The following UGGT1 variants were observed in gnomAD, a reference collection of about 807,000 sequenced individuals.
The protein encoded by UGGT1 is UDP-glucose glycoprotein glucosyltransferase 1, also known as UDP-glucose:glycoprotein glucosyltransferase 1.
UGGT1 carries 107 observed loss-of-function variants against 203.9 expected under a neutral mutation model. The observed-to-expected ratio is 0.52, with a 90% CI of 0.45 to 0.62. The LOEUF is 0.62. Ranked by LOEUF, UGGT1 falls within the 20% of genes least tolerant of loss-of-function variation. UGGT1 has a pLI of 0.00. For synonymous variants in UGGT1, 628 were observed against 653.5 expected (o/e 0.96, Z 0.59); for missense variants, 1,673 against 1,867.2 (o/e 0.90, Z 1.92).
intron 2 of UGGT1, among the ~76,000 whole-genome samples, chr2:128,098,750 A>C (rs994798176): frequency 1.8e-4 from 27 of 148,334 alleles, no homozygotes; most frequent in African/African-American, 6.4e-4. Context: ...CTCCGTCTCA[A>C]AAAAAAAAAA....
At position 128,184,775 on chromosome 2, in the gene UGGT1, G is replaced by C. The variant is rs371273144; in HGVS notation, c.4359+986G>C. Reference sequence around the variant, plus strand: ...GCACTCACTGCAACCTCCACCTCCCGGGTTCAAGTGATCCTCCTGCCTCAG... The same window carrying C: ...GCACTCACTGCAACCTCCACCTCCCCGGTTCAAGTGATCCTCCTGCCTCAG... On this transcript the variant is annotated intron_variant, in intron 38 of 40. Transcript: ENST00000259253. Among the ~76,000 whole-genome samples, 3 of 152,164 alleles carry C rather than the reference G, an allele frequency of 2.0e-5. No homozygotes were observed. In the South Asian group the frequency reaches 6.2e-4, roughly 32 times the overall value.
At chr2:128,146,830 A>G (rs752737641) in intron 18 of UGGT1, among the ~76,000 whole-genome samples, 15 of 152,184 alleles carry the variant, frequency 9.9e-5, no homozygotes, top group Non-Finnish European at 1.9e-4. Flanking sequence ...CTTGTTCTGG[A>G]CGTTGTATAC....
At chr2:128,109,146 C>T (rs969250886) in intron 4 of UGGT1, among the ~76,000 whole-genome samples, 3 of 152,078 alleles carry the variant, frequency 2.0e-5, no homozygotes, top group Non-Finnish European at 4.4e-5. Context: ...CCTGCCTCTG[C>T]CCCGCAAATT....
At chr2:128,174,914 C>T in intron 31 of UGGT1, 56 bp downstream of exon 31, 1 of 1,477,034 alleles carries the variant, frequency 6.8e-7, no homozygotes, top group Non-Finnish European at 9.3e-7. Context: ...TGAGCATTAG[C>T]TCTAATTGAA....
intron 38 of UGGT1, among the ~76,000 whole-genome samples, 200 bp downstream of exon 38, chr2:128,183,989 C>T (rs981064069): frequency 4.0e-5 from 6 of 150,160 alleles, no homozygotes; most frequent in Non-Finnish European, 7.4e-5. Context: ...GACATATCAG[C>T]GTGAAAAATG....
rs866324808 is a variant in UGGT1 at position 128,101,925 on chromosome 2, G to T, written c.195-2007G>T. ...TGGGCATTCATTCTGGTTGTTTGTAGTTTTTTTTGTGTTGTAGATTAAAAA... is the reference window on the plus strand; with the variant it reads ...TGGGCATTCATTCTGGTTGTTTGTATTTTTTTTTGTGTTGTAGATTAAAAA... On this transcript the variant is annotated intron_variant, in intron 2 of 40. Coordinates refer to ENST00000259253, the MANE Select transcript of UGGT1 (RefSeq NM_020120.4). Among the ~76,000 whole-genome samples the T allele has an allele frequency of 1.8e-4, 27 of 151,954 alleles. No individual in the cohort carries two copies. In the Middle Eastern group the frequency reaches 0.01, roughly 57 times the overall value.
At chr2:128,163,469 A>C (rs935248444) in intron 25 of UGGT1, among the ~76,000 whole-genome samples, 24 of 150,380 alleles carry the variant, frequency 1.6e-4, no homozygotes, top group African/African-American at 5.9e-4. Context: ...TAATCCCAGC[A>C]CTTGGGAAGG....
chr2:128,161,370 A>G, intron 25 of UGGT1, 102 bp downstream of exon 25: 2 of 1,379,388 alleles, frequency 1.4e-6, no homozygotes, highest in South Asian at 2.9e-5. Context: ...TATCCCAAGG[A>G]GTTTTATTTC....
chr2:128,145,787 G>T lies in UGGT1; in HGVS notation c.1852-16G>T. The T allele has an allele frequency of 6.5e-7, 1 of 1,546,264 alleles. No homozygotes were observed. Among genetic ancestry groups the T allele is most frequent in the Non-Finnish European group, 8.7e-7 (1 of 1,144,216 alleles). ...AAGGCAAAAATATACTGTTTTTGTG[G>T]TTACTTGTGTTTCAGGAAGCAAGAG... On this transcript the variant is annotated splice_polypyrimidine_tract_variant and intron_variant, in intron 17 of 40. Coordinates refer to ENST00000259253, the MANE Select transcript of UGGT1 (RefSeq NM_020120.4).
intron 36 of UGGT1, 95 bp downstream of exon 36, chr2:128,181,167 T>G (rs929823251): frequency 8.3e-7 from 1 of 1,210,934 alleles, no homozygotes; most frequent in African/African-American, 1.5e-5. Flanking sequence ...GAAAAGGACA[T>G]GCTTATTTTA....
chr2:128,171,772 G>T (rs1227280375), intron 28 of UGGT1, among the ~76,000 whole-genome samples: 6 of 152,122 alleles, frequency 3.9e-5, no homozygotes, highest in African/African-American at 1.2e-4. Context: ...TTCCCAAAGT[G>T]CTGGGTTTAC....
chr2:128,092,430 A>G (rs1018253995), intron 1 of UGGT1, among the ~76,000 whole-genome samples: 4 of 151,602 alleles, frequency 2.6e-5, no homozygotes, highest in Non-Finnish European at 4.4e-5. Flanking sequence ...TGACCATAAT[A>G]CTTTGTACAG....
chr2:128,145,946 C>T lies in UGGT1; in HGVS notation c.1995C>T (p.Phe665=), dbSNP rs1196743550. Residue 665 remains phenylalanine (F), a synonymous_variant, in exon 18 of 41, where the codon TTC becomes TTT. Coordinates refer to ENST00000259253, the MANE Select transcript of UGGT1 (RefSeq NM_020120.4). The part of the protein sequence containing the change: ...TMHKILETTT[F]FQRAVYLGEL... ...ATAAAATCCTGGAGACCACCACCTT[C>T]TTCCAAAGAGCGGTGTACTTGGTGA... The T allele has an allele frequency of 5.0e-6, 8 of 1,614,042 alleles. No individual in the cohort carries two copies. In the East Asian group the frequency reaches 1.3e-4, roughly 27 times the overall value.
intron 5 of UGGT1, among the ~76,000 whole-genome samples, chr2:128,112,348 G>T (rs1256824143): frequency 1.4e-5 from 2 of 147,038 alleles, no homozygotes; most frequent in Non-Finnish European, 3.0e-5. Context: ...TTGAACCCAG[G>T]AGGGAGAGTT....
chr2:128,107,474 T>G (rs530791850), intron 3 of UGGT1, among the ~76,000 whole-genome samples: 2 of 152,338 alleles, frequency 1.3e-5, no homozygotes, highest in African/African-American at 4.8e-5. Flanking sequence ...CATAGCCTCT[T>G]CCTCTGGGGA....
chr2:128,101,714 G>A (rs1376137458), intron 2 of UGGT1, among the ~76,000 whole-genome samples: 1 of 152,154 alleles, frequency 6.6e-6, no homozygotes, highest in Admixed American at 6.5e-5. Context: ...TTATATCTGA[G>A]GGTGGCTGTG....
intron 24 of UGGT1, among the ~76,000 whole-genome samples, chr2:128,160,908 G>A (rs193118893): frequency 4.7e-4 from 72 of 152,242 alleles, no homozygotes; most frequent in African/African-American, 1.6e-3. Context: ...ACTACTTTAC[G>A]ATTTTATTTT....
chr2:128,169,763 G>A (rs976796156), intron 26 of UGGT1, among the ~76,000 whole-genome samples: 2 of 152,182 alleles, frequency 1.3e-5, no homozygotes, highest in Admixed American at 6.5e-5. Flanking sequence ...AGTGAGAGAC[G>A]GAAGGAAATT....
At chr2:128,151,338 C>T (rs1481219094) in intron 18 of UGGT1, 10 of 543,158 alleles carry the variant, frequency 1.8e-5, no homozygotes, top group Middle Eastern at 5.1e-4. Flanking sequence ...GCGCCTGCCA[C>T]GCCTTCCCCA....
Sources: gnomAD v4.1 joint callset for allele counts (sites outside exome capture counted in the v4.1 genomes callset) on GRCh38, gnomAD v4.1.1 for gene constraint, MANE v1.5 for transcripts, NCBI Gene and HGNC (gene_info 2026-07-23, HGNC 2026-07-21) for gene names.